The following PLA2G4A variants were observed in gnomAD, a reference collection of about 807,000 sequenced individuals.
The protein encoded by PLA2G4A is phospholipase A2 group IVA.
Under a neutral mutation model 81.9 loss-of-function variants are expected in PLA2G4A, and 40 were observed. The observed-to-expected ratio is 0.49, with a 90% CI of 0.38 to 0.64. The LOEUF (loss-of-function observed/expected upper bound fraction) is 0.64, where lower values mean the gene tolerates loss of function less well. Among genes scored for constraint, PLA2G4A ranks in the 30% least tolerant of loss-of-function variants. The pLI is 0.00. For missense variants in PLA2G4A, 715 were observed against 905.1 expected, an observed-to-expected ratio of 0.79 and a Z score of 2.69; for synonymous variants, 302 against 296.9, an observed-to-expected ratio of 1.02 and a Z score of -0.18.
chr1:186,892,504 T>C (rs1654181079), intron 3 of PLA2G4A, among the ~76,000 whole-genome samples: 1 of 152,232 alleles, frequency 6.6e-6, no homozygotes, highest in Non-Finnish European at 1.5e-5. Flanking sequence ...GCTTCATTCT[T>C]CTGCATATGG....
chr1:186,863,780 G>GC (rs1404067878), intron 2 of PLA2G4A, among the ~76,000 whole-genome samples: 1 of 146,994 alleles, frequency 6.8e-6, no homozygotes, highest in East Asian at 2.0e-4. Flanking sequence ...TTTTTTTTGG[G>GC]GACAGAGTCT....
chr1:186,981,141 T>G (rs1338524653), intron 17 of PLA2G4A, among the ~76,000 whole-genome samples: 1 of 151,918 alleles, frequency 6.6e-6, no homozygotes, highest in African/African-American at 2.4e-5. Flanking sequence ...ACAGTCACCC[T>G]AGTTTTCCAG....
At chr1:186,967,972 T>G (rs530285132) in intron 15 of PLA2G4A, among the ~76,000 whole-genome samples, 1 of 152,224 alleles carries the variant, frequency 6.6e-6, no homozygotes, top group African/African-American at 2.4e-5. Flanking sequence ...TGTATTGTAA[T>G]CCAACCATAG....
chr1:186,898,091 T>G (rs1654405292), intron 5 of PLA2G4A, among the ~76,000 whole-genome samples: 1 of 152,124 alleles, frequency 6.6e-6, no homozygotes, highest in Non-Finnish European at 1.5e-5. Context: ...CCCAAAAGCT[T>G]CCAATTCCTC....
At chr1:186,969,002 T>C (rs1657241493) in intron 15 of PLA2G4A, among the ~76,000 whole-genome samples, 1 of 151,938 alleles carries the variant, frequency 6.6e-6, no homozygotes, top group South Asian at 2.1e-4. Flanking sequence ...TTATTATATA[T>C]TGATGTTTTT....
At chr1:186,927,385 C>T (rs1430139860) in intron 7 of PLA2G4A, among the ~76,000 whole-genome samples, 1 of 152,150 alleles carries the variant, frequency 6.6e-6, no homozygotes, top group African/African-American at 2.4e-5. Flanking sequence ...TCAGAAGCCA[C>T]TTTTTAAACT....
intron 1 of PLA2G4A, among the ~76,000 whole-genome samples, chr1:186,851,625 A>G (rs1652374626): frequency 1.3e-5 from 2 of 151,950 alleles, no homozygotes; most frequent in African/African-American, 2.4e-5. Context: ...AGCACAGAAA[A>G]TGCTGATAAT....
At chr1:186,883,519 T>G (rs17592348) in intron 3 of PLA2G4A, among the ~76,000 whole-genome samples, 2,005 of 152,216 alleles carry the variant, frequency 0.013, 21 homozygotes, top group Non-Finnish European at 0.021. Flanking sequence ...GATCATTCCT[T>G]TGCAACTTGG....
chr1:186,982,905 C>T (rs755772140), intron 17 of PLA2G4A, among the ~76,000 whole-genome samples: 28 of 151,782 alleles, frequency 1.8e-4, no homozygotes, highest in Non-Finnish European at 2.5e-4. Flanking sequence ...GGTGAAACCC[C>T]GTCTCTACTA....
chr1:186,844,308 C>T (rs1205549902), intron 1 of PLA2G4A, among the ~76,000 whole-genome samples: 2 of 152,036 alleles, frequency 1.3e-5, no homozygotes, highest in Non-Finnish European at 2.9e-5. Context: ...CTTTGTATAG[C>T]CTTAGTTTAC....
intron 8 of PLA2G4A, among the ~76,000 whole-genome samples, chr1:186,935,960 T>G (rs1655929026): frequency 6.6e-6 from 1 of 151,846 alleles, no homozygotes; most frequent in Non-Finnish European, 1.5e-5. Context: ...TGGATGATAG[T>G]TGTGATTCAT....
chr1:186,906,299 A>T, intron 5 of PLA2G4A, among the ~76,000 whole-genome samples: 1 of 152,216 alleles, frequency 6.6e-6, no homozygotes, highest in Non-Finnish European at 1.5e-5. Context: ...GTGGATATTA[A>T]TCATTTTCTT....
chr1:186,900,958 A>C (rs1218994821), intron 5 of PLA2G4A, among the ~76,000 whole-genome samples: 3 of 152,216 alleles, frequency 2.0e-5, no homozygotes, highest in Non-Finnish European at 4.4e-5. Context: ...AAAATGAATA[A>C]GATAGTTCCA....
At chr1:186,973,115 A>G (rs1000743908) in intron 15 of PLA2G4A, among the ~76,000 whole-genome samples, 1 of 150,536 alleles carries the variant, frequency 6.6e-6, no homozygotes, top group Admixed American at 6.6e-5. Context: ...GAACTTCTGT[A>G]ACAAATTACC....
chr1:186,840,337 G>T (rs1361340290), intron 1 of PLA2G4A, among the ~76,000 whole-genome samples: 1 of 152,046 alleles, frequency 6.6e-6, no homozygotes, highest in Non-Finnish European at 1.5e-5. Flanking sequence ...AAAAGACTAG[G>T]TTTCTTGTTC....
intron 7 of PLA2G4A, among the ~76,000 whole-genome samples, chr1:186,932,350 C>T (rs1655779528): frequency 6.7e-6 from 1 of 148,886 alleles, no homozygotes; most frequent in East Asian, 2.0e-4. Context: ...GGCTGGAGAG[C>T]AATGGCACGA....
intron 3 of PLA2G4A, among the ~76,000 whole-genome samples, chr1:186,885,822 A>G (rs543545600): frequency 6.6e-6 from 1 of 152,286 alleles, no homozygotes; most frequent in Admixed American, 6.5e-5. Flanking sequence ...GAATTACTGA[A>G]CTGAAAAATA....
rs1654203399 is a variant in PLA2G4A, at chr1:186,893,086, A to G, written c.191A>G (p.Asn64Ser). The G allele has an allele frequency of 1.9e-6, 3 of 1,610,222 alleles. No homozygotes were observed. The highest frequency in any genetic ancestry group is 2.6e-6 in the Non-Finnish European group (3 of 1,176,418). ...AGCAGGAAGAGAACAAGACATTTCA[A>G]TAATGACATAAACCCTGTGTGGAAT... ...PDSRKRTRHF[N>S]NDINPVWNET... The change falls in exon 4 of 18, where the codon AAT (asparagine) becomes AGT (serine). Residue 64 changes from asparagine (N) to serine (S), a missense_variant. Transcript: ENST00000367466.
At position 186,977,654 on chromosome 1, in the gene PLA2G4A, C is replaced by G; in HGVS notation, c.1826C>G (p.Pro609Arg). The G allele has an allele frequency of 6.2e-7, 1 of 1,613,436 alleles. No individual in the cohort carries two copies. Among genetic ancestry groups the G allele is most frequent in the Non-Finnish European group, 8.5e-7 (1 of 1,179,426 alleles). The change falls in exon 16 of 18, where the codon CCT becomes CGT. Residue 609 changes from proline to arginine, a missense_variant. By Grantham distance (103) the Pro-to-Arg change is moderately radical. Transcript: ENST00000367466. ...AAGCTCCCCTTTCCAAAGATTGATC[C>G]TTATGTGTTTGATCGGGAAGGGCTG... Reference protein sequence around the residue: ...MNKLPFPKIDPYVFDREGLKE... With the variant: ...MNKLPFPKIDRYVFDREGLKE...
Sources: gnomAD v4.1 joint callset for allele counts (sites outside exome capture counted in the v4.1 genomes callset) on GRCh38, gnomAD v4.1.1 for gene constraint, MANE v1.5 for transcripts, NCBI Gene and HGNC (gene_info 2026-07-23, HGNC 2026-07-21) for gene names.